The following DCC variants were observed in gnomAD, a reference collection of about 807,000 sequenced individuals.
DCC encodes the protein netrin receptor DCC.
A neutral mutation model predicts 172.5 loss-of-function variants in DCC; 58 were observed. The ratio of observed to expected loss-of-function variants is 0.34; its 90% CI spans 0.27 to 0.42. DCC has a LOEUF of 0.42. DCC is among the 10% of genes least tolerant of loss of function. The probability of loss-of-function intolerance (pLI) is 1.00; values close to 1 mark genes in which losing one functional copy is unlikely to be tolerated. For synonymous variants in DCC, 709 were observed against 644.5 expected (o/e 1.10, Z -1.52); for missense variants, 1,740 against 1,791.0 (o/e 0.97, Z 0.51).
Position 53,397,415 on chromosome 18 carries a change from C to T in DCC, c.2796C>T (p.Ser932=). The change falls in exon 18 of 29, where the codon AGC becomes AGT. Residue 932 remains serine (S), a synonymous_variant. Transcript: ENST00000442544. ...VTKNRRSSTW[S]MTAHATTYEA... ...AAAACAGAAGGTCCAGTACTTGGAG[C>T]ATGACTGCACATGCCACCACGTATG... is the stretch of plus-strand genomic sequence containing the variant. The T allele has an allele frequency of 6.2e-7, 1 of 1,613,904 alleles. No individual in the cohort carries two copies.
chr18:52,545,060 A>G (rs957644565), intron 1 of DCC, among the ~76,000 whole-genome samples: 1 of 152,214 alleles, frequency 6.6e-6, no homozygotes, highest in Non-Finnish European at 1.5e-5. Flanking sequence ...ATATAGCTCT[A>G]AGAAACCAAC....
chr18:53,073,006 A>C (rs1346338895), intron 7 of DCC, among the ~76,000 whole-genome samples: 1 of 152,202 alleles, frequency 6.6e-6, no homozygotes, highest in Non-Finnish European at 1.5e-5. Flanking sequence ...TATCACATCT[A>C]CCACATAGTA....
chr18:53,252,339 T>A (rs1009403069), intron 12 of DCC, among the ~76,000 whole-genome samples: 3 of 151,906 alleles, frequency 2.0e-5, no homozygotes, highest in African/African-American at 7.2e-5. Context: ...AAAATAGAGT[T>A]AAGAAAAAGA....
At chr18:52,387,087 T>C (rs749664596) in intron 1 of DCC, among the ~76,000 whole-genome samples, 4 of 152,180 alleles carry the variant, frequency 2.6e-5, no homozygotes, top group Non-Finnish European at 5.9e-5. Context: ...GAAAATGTCT[T>C]TCTCATATTT....
intron 1 of DCC, among the ~76,000 whole-genome samples, chr18:52,438,007 A>C (rs1987851794): frequency 6.6e-6 from 1 of 152,238 alleles, no homozygotes; most frequent in Non-Finnish European, 1.5e-5. Flanking sequence ...ATTAGTATTA[A>C]GAGCCAATGG....
At chr18:53,054,080 T>A (rs1015794658) in intron 5 of DCC, among the ~76,000 whole-genome samples, 8 of 152,142 alleles carry the variant, frequency 5.3e-5, no homozygotes. Context: ...TATAATGTTG[T>A]AATATTTGCA....
chr18:52,841,516 C>T (rs901941035), intron 2 of DCC, among the ~76,000 whole-genome samples: 1 of 152,102 alleles, frequency 6.6e-6, no homozygotes, highest in East Asian at 1.9e-4. Flanking sequence ...GGCATTCTGT[C>T]CGAGAAAGGA....
intron 1 of DCC, among the ~76,000 whole-genome samples, chr18:52,555,098 T>C (rs1010236592): frequency 6.6e-6 from 1 of 152,072 alleles, no homozygotes; most frequent in African/African-American, 2.4e-5. Context: ...GAGGAAACTA[T>C]TGTCAGTAGA....
At chr18:52,727,828 A>G (rs1286027407) in intron 1 of DCC, among the ~76,000 whole-genome samples, 3 of 152,144 alleles carry the variant, frequency 2.0e-5, no homozygotes, top group Admixed American at 2.0e-4. Flanking sequence ...TGGTTTGGTT[A>G]TGTTTGGATT....
intron 1 of DCC, among the ~76,000 whole-genome samples, chr18:52,711,200 A>G (rs1336552583): frequency 6.6e-6 from 1 of 152,116 alleles, no homozygotes; most frequent in Non-Finnish European, 1.5e-5. Flanking sequence ...TGGACGATAA[A>G]GATATAAGGA....
intron 1 of DCC, among the ~76,000 whole-genome samples, chr18:52,555,829 T>C (rs1030028055): frequency 3.3e-5 from 5 of 152,194 alleles, no homozygotes; most frequent in Non-Finnish European, 2.9e-5. Flanking sequence ...TTATAGACTG[T>C]GTTATTTCTG....
In DCC at chr18:53,338,550, G is replaced by A. The variant is rs1026619200; in HGVS notation, c.2165-1163G>A. ...CAGGAGGCGGAGGTTGCAGTGAGCC[G>A]AGATCGTGCCACTGCACTCTAGCCT... On this transcript the variant is annotated intron_variant, in intron 14 of 28. Transcript: ENST00000442544. Among the ~76,000 whole-genome samples the A allele has an allele frequency of 7.2e-5, 11 of 152,266 alleles. No homozygotes were observed. The East Asian group carries it at 1.4e-3, about 19-fold the overall frequency.
At chr18:53,081,323 T>A (rs1335240205) in intron 7 of DCC, among the ~76,000 whole-genome samples, 1 of 152,118 alleles carries the variant, frequency 6.6e-6, no homozygotes, top group East Asian at 1.9e-4. Context: ...AATGGCCTAC[T>A]TCTATGTGCA....
chr18:52,923,690 G>T lies in DCC; in HGVS notation c.698-17G>T, dbSNP rs1177650827. 5 of 1,576,972 alleles carry T rather than the reference G, an allele frequency of 3.2e-6. No individual in the cohort carries two copies. The highest frequency in any genetic ancestry group is 4.4e-6 in the Non-Finnish European group (5 of 1,146,750). On this transcript the variant is annotated splice_polypyrimidine_tract_variant and intron_variant, in intron 3 of 28. Transcript: ENST00000442544. The stretch of plus-strand genomic sequence containing the variant: ...TGTTTTTCATATATCATATGATACT[G>T]TGTTTTCCCCTCATAGATCCAGGAC...
At chr18:53,125,214 C>T (rs922046100) in intron 7 of DCC, among the ~76,000 whole-genome samples, 2 of 151,902 alleles carry the variant, frequency 1.3e-5, no homozygotes, top group African/African-American at 2.4e-5. Flanking sequence ...TGGATTTTAC[C>T]GAAATAATAG....
At chr18:52,866,897 C>T (rs1017962248) in intron 2 of DCC, among the ~76,000 whole-genome samples, 2 of 152,138 alleles carry the variant, frequency 1.3e-5, no homozygotes, top group Non-Finnish European at 2.9e-5. Flanking sequence ...ATTGCCCTGG[C>T]CAGCACTTCC....
At chr18:52,799,474 T>C (rs1291197082) in intron 2 of DCC, among the ~76,000 whole-genome samples, 4 of 152,230 alleles carry the variant, frequency 2.6e-5, no homozygotes, top group African/African-American at 9.6e-5. Context: ...ACTTGCTTAA[T>C]ATTGCACACC....
chr18:53,145,494 C>T (rs868558690), intron 7 of DCC, among the ~76,000 whole-genome samples: 2 of 152,096 alleles, frequency 1.3e-5, no homozygotes, highest in Non-Finnish European at 2.9e-5. Context: ...CTTGTGAGGA[C>T]GCAGCAACGG....
intron 5 of DCC, among the ~76,000 whole-genome samples, chr18:53,012,885 A>G (rs1038981508): frequency 1.3e-5 from 2 of 152,084 alleles, no homozygotes; most frequent in Non-Finnish European, 2.9e-5. Context: ...TTTACATGAA[A>G]AAAATGCCCC....
Sources: gnomAD v4.1 joint callset for allele counts (sites outside exome capture counted in the v4.1 genomes callset) on GRCh38, gnomAD v4.1.1 for gene constraint, MANE v1.5 for transcripts, NCBI Gene and HGNC (gene_info 2026-07-23, HGNC 2026-07-21) for gene names.